Variants in OR6J1 observed in about 807,000 individuals in gnomAD.
OR6J1 encodes olfactory receptor 6J1.
For missense variants in OR6J1, 304 were observed against 166.8 expected (o/e 1.82, Z -4.53); for synonymous variants, 109 against 70.0 (o/e 1.56, Z -2.78).
rs1681593 is a variant in OR6J1 at position 22,633,411 on chromosome 14, C to T, written c.*357G>A. ...TGCAGAGGATGGAAAGAAAGAGGGTCCGTGCAGAGAAGTTCAGGAAGGACT... is the reference window on the plus strand; with the variant it reads ...TGCAGAGGATGGAAAGAAAGAGGGTTCGTGCAGAGAAGTTCAGGAAGGACT... On this transcript the variant is annotated 3_prime_UTR_variant, in exon 2 of 2. Transcript: ENST00000540461. The T allele has an allele frequency of 0.22, 43,683 of 197,802 alleles. 5,286 individuals are homozygous for T. The highest frequency in any genetic ancestry group is 0.32 in the African/African-American group (13,758 of 42,800). The allele number at this position is 197,802 out of a possible 1,614,324, so 12.3% of individuals were successfully genotyped here. A position where few individuals can be genotyped will look rare whatever the true frequency, so the allele number is the denominator to read the frequency against.
At position 22,633,337 on chromosome 14, in the gene OR6J1, G is replaced by T. The variant is rs955235868; in HGVS notation, c.*431C>A. 1.1e-4 allele frequency: 15 copies of T among 141,320 alleles called. No homozygotes were observed. The highest frequency in any genetic ancestry group is 2.1e-4 in the Non-Finnish European group (14 of 65,796). 8.8% of individuals were successfully genotyped at this position (141,320 alleles called of 1,614,324 possible). A position where few individuals can be genotyped will look rare whatever the true frequency, so the allele number is the denominator to read the frequency against. ...ATTGCAAATGCCCGAAAAAAAAATG[G>T]ATATGATAGTGGATTAGAGAATAAT... On this transcript the variant is annotated 3_prime_UTR_variant, in exon 2 of 2. Coordinates refer to ENST00000540461, the MANE Select transcript of OR6J1 (RefSeq NM_001348233.2).
intron 1 of OR6J1, among the ~76,000 whole-genome samples, chr14:22,640,808 A>G (rs2037639689): frequency 6.6e-6 from 1 of 151,128 alleles, no homozygotes; most frequent in Non-Finnish European, 1.5e-5. Context: ...GGCATGAGCC[A>G]CCACACCCAG....
At chr14:22,637,137 G>C (rs1167364792) in intron 1 of OR6J1, among the ~76,000 whole-genome samples, 2 of 115,144 alleles carry the variant, frequency 1.7e-5, no homozygotes, top group Non-Finnish European at 3.3e-5. Flanking sequence ...GTCTCTGCCC[G>C]GCCGCCCTGT....
intron 1 of OR6J1, among the ~76,000 whole-genome samples, chr14:22,643,748 CACACACACACACACACAGAGAGAG>C (rs1462170470): frequency 3.7e-5 from 4 of 108,466 alleles, no homozygotes; most frequent in African/African-American, 7.4e-5. Flanking sequence ...CACACACACA[CACACACACACACACACAGAGAGAG>C]AGAGAGAGAG....
chr14:22,638,021 A>G (rs1172475463), intron 1 of OR6J1, among the ~76,000 whole-genome samples: 1 of 95,916 alleles, frequency 1.0e-5, no homozygotes, highest in Non-Finnish European at 2.0e-5. Context: ...CCCGTCCGGG[A>G]GGATGGTGGG....
chr14:22,641,365 G>C (rs948651352), intron 1 of OR6J1, among the ~76,000 whole-genome samples: 2 of 117,884 alleles, frequency 1.7e-5, no homozygotes, highest in African/African-American at 6.3e-5. Flanking sequence ...AAGAAAGAAA[G>C]GGGGGAGAGA....
At chr14:22,641,210 T>TAAGAAAGA (rs992658481) in intron 1 of OR6J1, among the ~76,000 whole-genome samples, 1,806 of 122,434 alleles carry the variant, frequency 0.015, 46 homozygotes, top group Non-Finnish European at 0.019. Flanking sequence ...GAGAGAAAGA[T>TAAGAAAGA]AAGAAAGAAA....
chr14:22,638,671 AAAAT>A lies in OR6J1; in HGVS notation c.-27-3837_-27-3834del, dbSNP rs1377716191. Reference sequence around the variant, plus strand: ...CAATAAAAAAAATAAAAATAAAAAAAAAATAAAAAAAATTAAGACACTAGCAAGA... The same window carrying A: ...CAATAAAAAAAATAAAAATAAAAAAAAAAAAAAATTAAGACACTAGCAAGA... On this transcript the variant is annotated intron_variant, in intron 1 of 1. Transcript: ENST00000540461. Among the ~76,000 whole-genome samples, 18 of 143,140 alleles carry A rather than the reference AAAAT, an allele frequency of 1.3e-4. 5 individuals carry two copies. The highest frequency in any genetic ancestry group is 4.7e-4 in the African/African-American group (17 of 35,888). 93.9% of individuals were successfully genotyped at this position (143,140 alleles called of 152,430 possible).
rs1181676952 is a variant in OR6J1, at chr14:22,633,693, A to C, written c.*75T>G. The C allele has an allele frequency of 1.7e-6, 1 of 603,248 alleles. No individual in the cohort carries two copies. The highest frequency in any genetic ancestry group is 2.9e-6 in the Non-Finnish European group (1 of 339,172). The allele number at this position is 603,248 out of a possible 1,614,324, so 37.4% of individuals were successfully genotyped here. On this transcript the variant is annotated 3_prime_UTR_variant, in exon 2 of 2. Coordinates refer to ENST00000540461, the MANE Select transcript of OR6J1 (RefSeq NM_001348233.2). Reference sequence around the variant, plus strand: ...CCAGCGTTCAAGTCTCTGTCTCCGCAGTCAGTCTTTCCACTATAGACTATT... The same window carrying C: ...CCAGCGTTCAAGTCTCTGTCTCCGCCGTCAGTCTTTCCACTATAGACTATT...
At chr14:22,643,069 G>A (rs1374047371) in intron 1 of OR6J1, among the ~76,000 whole-genome samples, 1 of 151,652 alleles carries the variant, frequency 6.6e-6, no homozygotes, top group East Asian at 1.9e-4. Flanking sequence ...CCCGGTTCAA[G>A]CGATTCTCCA....
intron 1 of OR6J1, among the ~76,000 whole-genome samples, chr14:22,641,564 G>A (rs1404158834): frequency 4.2e-5 from 4 of 96,210 alleles, no homozygotes; most frequent in Middle Eastern, 5.1e-3. Context: ...TAAAGAAAAA[G>A]AAAAAAGAAA....
Position 22,634,328 on chromosome 14 carries a change from T to C in OR6J1, c.484A>G (p.Ile162Val). 1.4e-6 allele frequency: 1 copy of C among 702,830 alleles called. No individual in the cohort carries two copies. Among genetic ancestry groups the C allele is most frequent in the South Asian group, 1.5e-5 (1 of 67,566 alleles). The allele number at this position is 702,830 out of a possible 1,614,324, so 43.5% of individuals were successfully genotyped here. A position where few individuals can be genotyped will look rare whatever the true frequency, so the allele number is the denominator to read the frequency against. Residue 162 changes from isoleucine to valine, a missense_variant, in exon 2 of 2, where the codon ATC becomes GTC. Coordinates refer to ENST00000540461, the MANE Select transcript of OR6J1 (RefSeq NM_001348233.2). ...GAGCCACAGAAGGGCAGCTGGGAGA[T>C]GAGGATGGTTGGAAAGAGCACAGAC... is the stretch of plus-strand genomic sequence containing the variant. ...FLSVLFPTIL[I>V]SQLPFCGSNI... is the part of the protein sequence containing the mutation.
chr14:22,634,635 G>A lies in OR6J1; in HGVS notation c.177C>T (p.Tyr59=), dbSNP rs747704483. Residue 59 remains tyrosine, a synonymous_variant, in exon 2 of 2, where the codon TAC becomes TAT. Coordinates refer to ENST00000540461, the MANE Select transcript of OR6J1 (RefSeq NM_001348233.2). ...LSCSRLHTPM[Y]FFLCNLSILD... ...GGATAGAGAGGTTGCACAAGAAGAA[G>A]TACATGGGGGTGTGGAGGCGGGAGC... 3 of 743,352 alleles carry A rather than the reference G, an allele frequency of 4.0e-6. No homozygotes were observed. Among genetic ancestry groups the A allele is most frequent in the South Asian group, 2.8e-5 (2 of 70,646 alleles). The allele number at this position is 743,352 out of a possible 1,614,324, so 46.0% of individuals were successfully genotyped here.
chr14:22,637,120 G>A (rs2037594690), intron 1 of OR6J1, among the ~76,000 whole-genome samples: 1 of 117,646 alleles, frequency 8.5e-6, no homozygotes, highest in Admixed American at 7.4e-5. Context: ...TCTGAGAGGT[G>A]AGGAGCGTCT....
rs2037543237 is a variant in OR6J1, at chr14:22,631,220, G to A, written c.*2548C>T. The A allele has an allele frequency of 6.6e-6, 1 of 152,162 alleles. No individual in the cohort carries two copies. Among genetic ancestry groups the A allele is most frequent in the African/African-American group, 2.4e-5 (1 of 41,420 alleles). The allele number at this position is 152,162 out of a possible 1,614,324, so 9.4% of individuals were successfully genotyped here. On this transcript the variant is annotated 3_prime_UTR_variant, in exon 2 of 2. Coordinates refer to ENST00000540461, the MANE Select transcript of OR6J1 (RefSeq NM_001348233.2). ...ACATCTTATCAGGAGACAGGGTTTT[G>A]AGAGCAACCAGTCTGACCAAAATTT... is the stretch of plus-strand genomic sequence containing the variant.
At chr14:22,637,739 A>G (rs1404599262) in intron 1 of OR6J1, among the ~76,000 whole-genome samples, 44 of 41,688 alleles carry the variant, frequency 1.1e-3, no homozygotes, top group South Asian at 1.7e-3. Flanking sequence ...AGGTGGGGGG[A>G]TCAGCCCCCC....
intron 1 of OR6J1, among the ~76,000 whole-genome samples, chr14:22,637,179 C>T (rs1278712028): frequency 9.7e-6 from 1 of 103,524 alleles, no homozygotes; most frequent in Non-Finnish European, 1.8e-5. Flanking sequence ...TGCCTGGCAA[C>T]CGCCCCGTCT....
At chr14:22,643,764 C>CAGAGAGAG (rs1233027589) in intron 1 of OR6J1, among the ~76,000 whole-genome samples, 1,550 of 37,646 alleles carry the variant, frequency 0.041, 131 homozygotes, top group East Asian at 0.14. Flanking sequence ...CACACACACA[C>CAGAGAGAG]AGAGAGAGAG....
chr14:22,638,039 GC>G (rs1395192308), intron 1 of OR6J1, among the ~76,000 whole-genome samples: 1 of 108,244 alleles, frequency 9.2e-6, no homozygotes, highest in East Asian at 2.4e-4. Flanking sequence ...GGGGGGGTCA[GC>G]CCCCCGCCTG....
Sources: allele counts gnomAD v4.1 joint callset (sites outside exome capture counted in the v4.1 genomes callset), GRCh38; gene constraint gnomAD v4.1.1; transcripts MANE v1.5; gene names NCBI Gene and HGNC (gene_info 2026-07-23, HGNC 2026-07-21).